PRKAA2: variants seen among roughly 807,000 people sequenced by gnomAD.
PRKAA2 encodes the protein 5'-AMP-activated protein kinase catalytic subunit alpha-2.
PRKAA2 carries 40 observed loss-of-function variants against 56.3 expected under a neutral mutation model. That is an observed-to-expected ratio of 0.71 (90% CI 0.55 to 0.92). The LOEUF is 0.92. Among genes scored for constraint, PRKAA2 ranks in the 40% least tolerant of loss-of-function variants. The probability of loss-of-function intolerance (pLI) is 0.00; values close to 1 mark genes in which losing one functional copy is unlikely to be tolerated. For missense variants in PRKAA2, 542 were observed against 686.9 expected, an observed-to-expected ratio of 0.79 and a Z score of 2.36; for synonymous variants, 214 against 234.2, an observed-to-expected ratio of 0.91 and a Z score of 0.79.
chr1:56,655,280 A>ATATATATTTTTTT lies in PRKAA2; in HGVS notation c.94+9800_94+9801insATATATTTTTTTT. 2.1e-3 allele frequency among the ~76,000 whole-genome samples: 192 copies of ATATATATTTTTTT among 93,612 alleles called. 11 individuals carry two copies. The highest frequency in any genetic ancestry group is 0.018 in the East Asian group (39 of 2,130). The allele number at this position is 93,612 out of a possible 152,430, so 61.4% of individuals were successfully genotyped here. The stretch of plus-strand genomic sequence containing the variant: ...TGTATTTATATATCTATATATATAT[A>ATATATATTTTTTT]TTTTTTTTTTTTTTTTGTAGAGACA... On this transcript the variant is annotated intron_variant, in intron 1 of 8. Transcript: ENST00000371244.
rs1055883787 is a variant in PRKAA2, at chr1:56,649,389, T to C, written c.94+3908T>C. 2.6e-5 allele frequency among the ~76,000 whole-genome samples: 4 copies of C among 152,178 alleles called. No homozygotes were observed. The South Asian group carries it at 8.3e-4, about 31-fold the overall frequency. On this transcript the variant is annotated intron_variant, in intron 1 of 8. Coordinates refer to ENST00000371244, the MANE Select transcript of PRKAA2 (RefSeq NM_006252.4). ...AAAAGCTAATAGGAGATGATGTAAT[T>C]TTAAAAGCTTGGCCAGGTGTGGTGG...
In PRKAA2 at chr1:56,645,344, T is replaced by C. The variant is rs1646630468; in HGVS notation, c.-44T>C. ...GTGGGTAGGCGGCGGCGGCGGCGGC[T>C]ACGCGGAGCGGCAGGCGGTGGAGCG... is the stretch of plus-strand genomic sequence containing the variant. On this transcript the variant is annotated 5_prime_UTR_variant, in exon 1 of 9. Transcript: ENST00000371244. 5 of 1,413,114 alleles carry C rather than the reference T, an allele frequency of 3.5e-6. No homozygotes were observed. Among genetic ancestry groups the C allele is most frequent in the Non-Finnish European group, 3.7e-6 (4 of 1,068,012 alleles). 87.5% of individuals were successfully genotyped at this position (1,413,114 alleles called of 1,614,324 possible). A position where few individuals can be genotyped will look rare whatever the true frequency, so the allele number is the denominator to read the frequency against.
chr1:56,660,997 G>A (rs974302680), intron 1 of PRKAA2, among the ~76,000 whole-genome samples: 6 of 152,056 alleles, frequency 3.9e-5, no homozygotes, highest in South Asian at 2.1e-4. Context: ...TGAAAGGAGC[G>A]TTGTGTTGTT....
chr1:56,696,881 A>G (rs1272367063), intron 6 of PRKAA2, among the ~76,000 whole-genome samples: 1 of 152,048 alleles, frequency 6.6e-6, no homozygotes, highest in Non-Finnish European at 1.5e-5. Flanking sequence ...CATCCTGCCT[A>G]TGACTTATCA....
In PRKAA2 at chr1:56,711,988, C is replaced by T. The variant is rs549141132; in HGVS notation, c.*4275C>T. On this transcript the variant is annotated 3_prime_UTR_variant, in exon 9 of 9. Coordinates refer to ENST00000371244, the MANE Select transcript of PRKAA2 (RefSeq NM_006252.4). ...CAAAAATCATCCAGAAAACCAAACACGGTGAAACATCACATCCATTTGGCA... is the reference window on the plus strand; with the variant it reads ...CAAAAATCATCCAGAAAACCAAACATGGTGAAACATCACATCCATTTGGCA... 3 of 152,246 alleles carry T rather than the reference C, an allele frequency of 2.0e-5. No individual in the cohort carries two copies. Among genetic ancestry groups the T allele is most frequent in the African/African-American group, 7.2e-5 (3 of 41,550 alleles). The allele number at this position is 152,246 out of a possible 1,614,324, so 9.4% of individuals were successfully genotyped here.
At chr1:56,692,237 G>T in intron 3 of PRKAA2, 121 bp from the exon 4 acceptor site, 1 of 1,133,872 alleles carries the variant, frequency 8.8e-7, no homozygotes, top group Non-Finnish European at 1.3e-6. Flanking sequence ...TCACCTTATT[G>T]GTCAGGCTGG....
In PRKAA2 at chr1:56,696,111, A is replaced by G. The variant is rs369546032; in HGVS notation, c.740A>G (p.His247Arg). 7 of 1,613,570 alleles carry G rather than the reference A, an allele frequency of 4.3e-6. No individual in the cohort carries two copies. The highest frequency in any genetic ancestry group is 2.2e-5 in the East Asian group (1 of 44,874). ...CGTTCTGTCGCCACTCTCCTGATGC[A>G]TATGCTGCAGGTTGACCCACTGAAA... ...LNRSVATLLM[H>R]MLQVDPLKRA... The change falls in exon 6 of 9, where the codon CAT becomes CGT. Residue 247 changes from histidine to arginine, a missense_variant. His to Arg is a conservative substitution (Grantham distance 29, BLOSUM62 0). Transcript: ENST00000371244.
rs1646631800 is a variant in PRKAA2 at position 56,645,449 on chromosome 1, C to G, written c.62C>G (p.Thr21Arg). ...ATCGGACACTACGTGCTGGGCGACA[C>G]GCTGGGCGTCGGCACCTTCGGCAAA... Reference protein sequence around the residue: ...VKIGHYVLGDTLGVGTFGKVK... With the variant: ...VKIGHYVLGDRLGVGTFGKVK... Residue 21 changes from threonine (T) to arginine (R), a missense_variant, in exon 1 of 9, where the codon ACG becomes AGG. Thr to Arg is a moderately conservative substitution (Grantham distance 71). This residue lies in a region of PRKAA2 where 59 missense variants were observed against 53.9 expected (regional missense o/e 1.09). Transcript: ENST00000371244. 6 of 1,508,078 alleles carry G rather than the reference C, an allele frequency of 4.0e-6. No individual in the cohort carries two copies. In the East Asian group the frequency reaches 1.1e-4, roughly 28 times the overall value. 93.4% of individuals were successfully genotyped at this position (1,508,078 alleles called of 1,614,324 possible).
In PRKAA2 at chr1:56,707,989, T is replaced by A; in HGVS notation, c.*276T>A. ...AAGATTTTTAATTACAATAATGAGT[T>A]CACTACAGACGATTAACACACCACA... is the stretch of plus-strand genomic sequence containing the variant. On this transcript the variant is annotated 3_prime_UTR_variant, in exon 9 of 9. Transcript: ENST00000371244. 1 of 429,470 alleles carries A rather than the reference T, an allele frequency of 2.3e-6. No homozygotes were observed. The highest frequency in any genetic ancestry group is 4.2e-6 in the Non-Finnish European group (1 of 236,714). 26.6% of individuals were successfully genotyped at this position (429,470 alleles called of 1,614,324 possible). A position where few individuals can be genotyped will look rare whatever the true frequency, so the allele number is the denominator to read the frequency against.
intron 1 of PRKAA2, among the ~76,000 whole-genome samples, chr1:56,648,517 A>T (rs1646662504): frequency 6.6e-6 from 1 of 152,228 alleles, no homozygotes; most frequent in African/African-American, 2.4e-5. Flanking sequence ...ACGAATATTC[A>T]CATGTAAGTC....
At chr1:56,664,030 C>T (rs1426575834) in intron 1 of PRKAA2, among the ~76,000 whole-genome samples, 1 of 152,122 alleles carries the variant, frequency 6.6e-6, no homozygotes, top group East Asian at 1.9e-4. Context: ...CACAGAAGGT[C>T]AGGGTTGCAG....
intron 8 of PRKAA2, among the ~76,000 whole-genome samples, chr1:56,706,837 C>T (rs554598145): frequency 7.2e-5 from 11 of 152,254 alleles, no homozygotes; most frequent in African/African-American, 1.9e-4. Flanking sequence ...AAGAATGGAA[C>T]GGAGTTTAGA....
intron 2 of PRKAA2, among the ~76,000 whole-genome samples, chr1:56,691,119 T>C (rs1404408545): frequency 6.6e-6 from 1 of 152,202 alleles, no homozygotes; most frequent in Non-Finnish European, 1.5e-5. Flanking sequence ...TTTTTGTTTA[T>C]ATGGAAAAAT....
At chr1:56,689,357 C>T (rs1012528109) in intron 2 of PRKAA2, among the ~76,000 whole-genome samples, 3 of 152,110 alleles carry the variant, frequency 2.0e-5, no homozygotes, top group African/African-American at 4.8e-5. Context: ...CAGTCATATT[C>T]GTTTATTTTA....
At position 56,714,237 on chromosome 1, in the gene PRKAA2, A is replaced by G. The variant is rs1644390660; in HGVS notation, c.*6524A>G. ...CAACTCAGAGCTAAGAACAAAATCT[A>G]ACTTGGAATCAGTTTCTTCCTTTGG... On this transcript the variant is annotated 3_prime_UTR_variant, in exon 9 of 9. Coordinates refer to ENST00000371244, the MANE Select transcript of PRKAA2 (RefSeq NM_006252.4). 6.6e-6 allele frequency: 1 copy of G among 152,158 alleles called. No individual in the cohort carries two copies. The highest frequency in any genetic ancestry group is 1.9e-4 in the East Asian group (1 of 5,188). The allele number at this position is 152,158 out of a possible 1,614,324, so 9.4% of individuals were successfully genotyped here.
rs1644379556 is a variant in PRKAA2, at chr1:56,713,075, T to C, written c.*5362T>C. The C allele has an allele frequency of 6.6e-6, 1 of 152,202 alleles. No homozygotes were observed. The highest frequency in any genetic ancestry group is 6.5e-5 in the Admixed American group (1 of 15,270). The allele number at this position is 152,202 out of a possible 1,614,324, so 9.4% of individuals were successfully genotyped here. On this transcript the variant is annotated 3_prime_UTR_variant, in exon 9 of 9. Coordinates refer to ENST00000371244, the MANE Select transcript of PRKAA2 (RefSeq NM_006252.4). Reference sequence around the variant, plus strand: ...GTTTCTCCCAAACCTTATAAAACTTTGAAATGTACTTATGTTTGAGCTTTA... The same window carrying C: ...GTTTCTCCCAAACCTTATAAAACTTCGAAATGTACTTATGTTTGAGCTTTA...
At chr1:56,690,945 T>C (rs1257631492) in intron 2 of PRKAA2, among the ~76,000 whole-genome samples, 1 of 152,182 alleles carries the variant, frequency 6.6e-6, no homozygotes, top group African/African-American at 2.4e-5. Context: ...TTTAGTTTGT[T>C]TTGCTGTCAA....
chr1:56,682,577 C>A (rs1291652498), intron 2 of PRKAA2, among the ~76,000 whole-genome samples: 1 of 152,118 alleles, frequency 6.6e-6, no homozygotes, highest in Non-Finnish European at 1.5e-5. Flanking sequence ...GACCAGATAA[C>A]AAAGGGATTT....
chr1:56,655,280 A>ATATATATATATATATATATATATTT, intron 1 of PRKAA2, among the ~76,000 whole-genome samples: 1 of 93,680 alleles, frequency 1.1e-5, no homozygotes, highest in African/African-American at 4.5e-5. Context: ...ATATATATAT[A>ATATATATATATATATATATATATTT]TTTTTTTTTT....
Sources: allele counts gnomAD v4.1 joint callset (sites outside exome capture counted in the v4.1 genomes callset), GRCh38; gene constraint gnomAD v4.1.1; regional missense constraint gnomAD v4.1.1; transcripts MANE v1.5; gene names NCBI Gene and HGNC (gene_info 2026-07-23, HGNC 2026-07-21).